Variants in SLC9A3 observed in about 807,000 individuals in gnomAD.
The protein encoded by SLC9A3 is sodium/hydrogen exchanger 3.
A neutral mutation model predicts 86.8 loss-of-function variants in SLC9A3; 37 were observed. That is an observed-to-expected ratio of 0.43 (90% CI 0.33 to 0.56). SLC9A3 has a LOEUF of 0.56. SLC9A3 is among the 20% of genes least tolerant of loss of function. The pLI, the probability that SLC9A3 is intolerant of heterozygous loss-of-function variation, is 0.06. For synonymous variants in SLC9A3, 581 were observed against 528.3 expected (o/e 1.10, Z -1.37); for missense variants, 1,011 against 1,171.9 (o/e 0.86, Z 2.00).
chr5:522,543 T>C (rs1733913877), intron 1 of SLC9A3, among the ~76,000 whole-genome samples: 1 of 152,104 alleles, frequency 6.6e-6, no homozygotes, highest in South Asian at 2.1e-4. Context: ...GTGGATCACC[T>C]GAGGTCTGGA....
Position 474,939 on chromosome 5 carries a change from C to T in SLC9A3, c.2445G>A (p.Leu815=), listed in dbSNP as rs1738617614. The change falls in exon 16 of 17, where the codon CTG becomes CTA. Residue 815 remains leucine, a synonymous_variant. Coordinates refer to ENST00000264938, the MANE Select transcript of SLC9A3 (RefSeq NM_004174.4). ...GCCGCTCCTCGGGGCCGTCTGCCTG[C>T]AGGAAGGAGTCCACGGACTTGCTGC... ...RLSSKSVDSF[L]QADGPEERPP... is the part of the protein sequence containing the mutation. 1 of 1,606,258 alleles carries T rather than the reference C, an allele frequency of 6.2e-7. No individual in the cohort carries two copies. The highest frequency in any genetic ancestry group is 8.5e-7 in the Non-Finnish European group (1 of 1,177,408).
intron 6 of SLC9A3, 138 bp downstream of exon 6, chr5:483,124 C>T (rs1053926398): frequency 1.2e-5 from 8 of 693,116 alleles, no homozygotes; most frequent in Admixed American, 3.0e-5. Context: ...GCCCCGAGGC[C>T]GCCACCATCA....
chr5:479,587 C>T (rs1739019264), intron 10 of SLC9A3: 1 of 490,780 alleles, frequency 2.0e-6, no homozygotes, highest in African/African-American at 2.0e-5. Context: ...GCTCGGGGTC[C>T]TAGGACCTGA....
intron 6 of SLC9A3, 119 bp downstream of exon 6, chr5:483,140 TCTC>T (rs1342352929): frequency 4.9e-5 from 38 of 769,572 alleles, no homozygotes; most frequent in Non-Finnish European, 7.7e-5. Flanking sequence ...CATCAGGTCC[TCTC>T]CTCTGCCTTG....
rs1272485445 is a variant in SLC9A3, at chr5:471,471, C to T, written c.*1908G>A. On this transcript the variant is annotated 3_prime_UTR_variant, in exon 17 of 17. Coordinates refer to ENST00000264938, the MANE Select transcript of SLC9A3 (RefSeq NM_004174.4). ...CTTTGCTCCTCTGGCCACCCGGAAACCTCCCAGCAGTTCAGATGGGACAAA... is the reference window on the plus strand; with the variant it reads ...CTTTGCTCCTCTGGCCACCCGGAAATCTCCCAGCAGTTCAGATGGGACAAA... The T allele has an allele frequency of 6.0e-6, 2 of 335,622 alleles. No individual in the cohort carries two copies. The highest frequency in any genetic ancestry group is 1.2e-5 in the Non-Finnish European group (2 of 170,646). 20.8% of individuals were successfully genotyped at this position (335,622 alleles called of 1,614,324 possible).
At chr5:509,475 GAGGGAGGGAGGGAGGGAAAGAAGGAAGGA>G (rs1409442570) in intron 1 of SLC9A3, among the ~76,000 whole-genome samples, 4 of 138,204 alleles carry the variant, frequency 2.9e-5, no homozygotes, top group African/African-American at 1.2e-4. Context: ...GGGAGGGAAG[GAGGGAGGGAGGGAGGGAAAGAAGGAAGGA>G]AGGGAGGGAG....
chr5:481,973 C>A (rs1303524071), intron 8 of SLC9A3, 95 bp downstream of exon 8: 3 of 395,848 alleles, frequency 7.6e-6, no homozygotes, highest in African/African-American at 8.3e-5. Context: ...TCCGCCACCC[C>A]CCAAGCCCCA....
rs1738941316 is a variant in SLC9A3 at position 478,698 on chromosome 5, GA to G, written c.1647+1137del. On this transcript the variant is annotated intron_variant, in intron 10 of 16. Transcript: ENST00000264938. Reference sequence around the variant, plus strand: ...CCAACCTTGTCACCTATGTGGGGGTGAGGGGAGCCCGCCAGAGGCCAGAGCC... The same window carrying G: ...CCAACCTTGTCACCTATGTGGGGGTGGGGGAGCCCGCCAGAGGCCAGAGCC... The G allele has an allele frequency of 1.3e-5, 2 of 154,654 alleles. 1 individual carries two copies. The highest frequency in any genetic ancestry group is 4.1e-4 in the South Asian group (2 of 4,938). 9.6% of individuals were successfully genotyped at this position (154,654 alleles called of 1,614,324 possible).
At chr5:506,741 A>G (rs773411484) in intron 1 of SLC9A3, among the ~76,000 whole-genome samples, 21 of 152,234 alleles carry the variant, frequency 1.4e-4, no homozygotes, top group Non-Finnish European at 2.2e-4. Flanking sequence ...AGGAAAACGA[A>G]GGATAAAACG....
rs1481878697 is a variant in SLC9A3, at chr5:508,613, A to G, written c.211+15499T>C. 5.5e-5 allele frequency among the ~76,000 whole-genome samples: 8 copies of G among 145,174 alleles called. No individual in the cohort carries two copies. In the South Asian group the frequency reaches 1.3e-3, roughly 24 times the overall value. On this transcript the variant is annotated intron_variant, in intron 1 of 16. Transcript: ENST00000264938. ...GATGCCGCAGGGAGACGCAGCCCAT[A>G]GCGCGCCTGGGATGGAGATGCCGCG...
In SLC9A3 at chr5:472,413, T is replaced by C. The variant is rs1238432859; in HGVS notation, c.*966A>G. 3.0e-6 allele frequency: 1 copy of C among 333,592 alleles called. No individual in the cohort carries two copies. Among genetic ancestry groups the C allele is most frequent in the Non-Finnish European group, 5.9e-6 (1 of 170,472 alleles). 20.7% of individuals were successfully genotyped at this position (333,592 alleles called of 1,614,324 possible). A position where few individuals can be genotyped will look rare whatever the true frequency, so the allele number is the denominator to read the frequency against. ...ACAGAGCAGCTGCTGGGCCCCACCA[T>C]CCACTTAAGGACTGGCCGTGATTCT... is the stretch of plus-strand genomic sequence containing the variant. On this transcript the variant is annotated 3_prime_UTR_variant, in exon 17 of 17. Coordinates refer to ENST00000264938, the MANE Select transcript of SLC9A3 (RefSeq NM_004174.4).
rs775061138 is a variant in SLC9A3 at position 475,240 on chromosome 5, G to T, written c.2252-108C>A. The stretch of plus-strand genomic sequence containing the variant: ...GGTGCCTTGGAAAGTTAGGGTCACC[G>T]GGAAGGTTAGGGTCACGTGCCTTTC... On this transcript the variant is annotated intron_variant, in intron 15 of 16. Coordinates refer to ENST00000264938, the MANE Select transcript of SLC9A3 (RefSeq NM_004174.4). 1 of 611,808 alleles carries T rather than the reference G, an allele frequency of 1.6e-6. No homozygotes were observed. Among genetic ancestry groups the T allele is most frequent in the East Asian group, 2.9e-5 (1 of 34,028 alleles). The allele number at this position is 611,808 out of a possible 1,614,324, so 37.9% of individuals were successfully genotyped here. A position where few individuals can be genotyped will look rare whatever the true frequency, so the allele number is the denominator to read the frequency against.
At chr5:506,359 C>T (rs914363247) in intron 1 of SLC9A3, among the ~76,000 whole-genome samples, 6 of 152,280 alleles carry the variant, frequency 3.9e-5, no homozygotes, top group East Asian at 3.9e-4. Flanking sequence ...CTGGGGTGCG[C>T]GGCAGGGCCA....
chr5:484,678 G>T lies in SLC9A3; in HGVS notation c.774C>A (p.Ser258Arg). The change falls in exon 5 of 17, where the codon AGC (serine) becomes AGA (arginine). Residue 258 changes from serine (S) to arginine (R), a missense_variant. Transcript: ENST00000264938. ...VKGIVSFFVVSLGGTLVGVVF... is the reference protein window; with the variant it reads ...VKGIVSFFVVRLGGTLVGVVF... Reference sequence around the variant, plus strand: ...CCACCCCCACCAGCGTGCCCCCCAGGCTCACCACGAAGAAGGACACTGGGT... The same window carrying T: ...CCACCCCCACCAGCGTGCCCCCCAGTCTCACCACGAAGAAGGACACTGGGT... 3 of 1,613,002 alleles carry T rather than the reference G, an allele frequency of 1.9e-6. No homozygotes were observed. Among genetic ancestry groups the T allele is most frequent in the Non-Finnish European group, 2.5e-6 (3 of 1,179,952 alleles).
At chr5:484,445 C>G in intron 5 of SLC9A3, 75 bp downstream of exon 5, 1 of 1,451,760 alleles carries the variant, frequency 6.9e-7, no homozygotes, top group Non-Finnish European at 9.5e-7. Flanking sequence ...CTGGCTCGCC[C>G]TGCCGGACCC....
chr5:498,882 G>C (rs1740144261), intron 1 of SLC9A3, among the ~76,000 whole-genome samples: 1 of 152,228 alleles, frequency 6.6e-6, no homozygotes, highest in Non-Finnish European at 1.5e-5. Context: ...TGGCAGAGGA[G>C]TCCTGCAGCG....
At chr5:479,477 G>C (rs1372409299) in intron 10 of SLC9A3, 2 of 261,738 alleles carry the variant, frequency 7.6e-6, no homozygotes, top group Admixed American at 1.0e-4. Context: ...GCACCTGTGG[G>C]CACCTGCGTG....
At chr5:512,922 C>T (rs1560974859) in intron 1 of SLC9A3, among the ~76,000 whole-genome samples, 1 of 152,122 alleles carries the variant, frequency 6.6e-6, no homozygotes, top group Non-Finnish European at 1.5e-5. Flanking sequence ...GGTGCTGACA[C>T]TACTGTCCGG....
Position 476,661 on chromosome 5 carries a change from A to T in SLC9A3, c.1772T>A (p.Val591Asp). ...ASVSYLLREN[V>D]SAVCLDMQSL... ...CTGCATGTCCAGGCAGACAGCGCTG[A>T]CATTTTCTCTCCTGCGTGGGGACCA... The change falls in exon 12 of 17, where the codon GTC becomes GAC. Residue 591 changes from valine (V) to aspartate (D), a missense_variant. Val to Asp is a radical substitution (Grantham distance 152). This residue lies in a region of SLC9A3 where 397 missense variants were observed against 346.3 expected (regional missense o/e 1.15). Coordinates refer to ENST00000264938, the MANE Select transcript of SLC9A3 (RefSeq NM_004174.4). The T allele has an allele frequency of 6.2e-7, 1 of 1,605,440 alleles. No individual in the cohort carries two copies. Among genetic ancestry groups the T allele is most frequent in the Non-Finnish European group, 8.5e-7 (1 of 1,179,818 alleles).
Sources: allele counts gnomAD v4.1 joint callset (sites outside exome capture counted in the v4.1 genomes callset), GRCh38; gene constraint gnomAD v4.1.1; regional missense constraint gnomAD v4.1.1; transcripts MANE v1.5; gene names NCBI Gene and HGNC (gene_info 2026-07-23, HGNC 2026-07-21).